RGS3: variants seen among roughly 807,000 people sequenced by gnomAD.
RGS3 encodes the protein regulator of G protein signaling 3, also known as regulator of G-protein signalling 3.
Under a neutral mutation model 132.6 loss-of-function variants are expected in RGS3, and 80 were observed. That is an observed-to-expected ratio of 0.60 (90% CI 0.50 to 0.73). The LOEUF is 0.73. Ranked by LOEUF, RGS3 falls within the 30% of genes least tolerant of loss-of-function variation. RGS3 has a pLI of 0.00. For missense variants in RGS3, 1,382 were observed against 1,530.8 expected (o/e 0.90, Z 1.62); for synonymous variants, 598 against 620.6 (o/e 0.96, Z 0.54).
chr9:113,542,418 C>T (rs1034602891), intron 19 of RGS3, among the ~76,000 whole-genome samples: 4 of 152,130 alleles, frequency 2.6e-5, no homozygotes, highest in African/African-American at 4.8e-5. Context: ...TTACAAGATC[C>T]GTTTACACAT....
chr9:113,464,955 G>A (rs1488300051), intron 3 of RGS3, among the ~76,000 whole-genome samples: 1 of 152,190 alleles, frequency 6.6e-6, no homozygotes, highest in Non-Finnish European at 1.5e-5. Context: ...AAGAGCAGTG[G>A]CTTGGCCTCT....
rs538003639 is a variant in RGS3 at position 113,475,559 on chromosome 9, C to T, written c.416-3932C>T. Among the ~76,000 whole-genome samples, 147 of 152,204 alleles carry T rather than the reference C, an allele frequency of 9.7e-4. 1 individual carries two copies. The highest frequency in any genetic ancestry group is 1.8e-3 in the African/African-American group (73 of 41,528). On this transcript the variant is annotated intron_variant, in intron 3 of 24. Transcript: ENST00000350696. ...TAGCTGAGACTACAGGCACGCACCA[C>T]GGTGCCCGGCTATTTTTTTAATTAA...
chr9:113,506,561 C>A lies in RGS3; in HGVS notation c.1085+68C>A, dbSNP rs1323955977. On this transcript the variant is annotated intron_variant, in intron 12 of 24. Coordinates refer to ENST00000350696, the Ensembl canonical transcript of RGS3. The surrounding 1 kb of genome is among the most constrained non-coding windows in gnomAD (Gnocchi z 4.7). The stretch of plus-strand genomic sequence containing the variant: ...CACACCCTCCCCACCCCTGGGCACA[C>A]TGCCTTGCCTGGCCCAGCTCTTGCT... 3.9e-6 allele frequency: 4 copies of A among 1,034,272 alleles called. No homozygotes were observed. The highest frequency in any genetic ancestry group is 5.9e-6 in the Non-Finnish European group (4 of 680,620). The allele number at this position is 1,034,272 out of a possible 1,614,324, so 64.1% of individuals were successfully genotyped here.
rs1834779360 is a variant in RGS3 at position 113,581,023 on chromosome 9, G to A, written c.2038-2427G>A. ...TATCAGAGGCAGGTGGCTGGGCCAG[G>A]GGGTGGGTCGGGGGGAGGTCTGGCC... On this transcript the variant is annotated intron_variant, in intron 19 of 24. Coordinates refer to ENST00000350696, the Ensembl canonical transcript of RGS3. The A allele has an allele frequency of 7.3e-6, 7 of 958,560 alleles. No homozygotes were observed. The South Asian group carries it at 3.4e-4, about 46-fold the overall frequency. The allele number at this position is 958,560 out of a possible 1,614,324, so 59.4% of individuals were successfully genotyped here. A position where few individuals can be genotyped will look rare whatever the true frequency, so the allele number is the denominator to read the frequency against.
intron 19 of RGS3, among the ~76,000 whole-genome samples, chr9:113,573,220 C>T (rs1329673953): frequency 2.0e-5 from 3 of 152,204 alleles, no homozygotes; most frequent in African/African-American, 7.2e-5. Flanking sequence ...TGCCTATCTC[C>T]AAGCCCCAGT....
chr9:113,471,028 T>C (rs1186298326), intron 3 of RGS3, among the ~76,000 whole-genome samples: 1 of 152,162 alleles, frequency 6.6e-6, no homozygotes, highest in East Asian at 1.9e-4. Flanking sequence ...ATTATTTTCT[T>C]CTCAATGCAG....
chr9:113,543,730 C>T (rs1173326067), intron 19 of RGS3, among the ~76,000 whole-genome samples: 1 of 152,176 alleles, frequency 6.6e-6, no homozygotes, highest in Admixed American at 6.5e-5. Context: ...GCTCTGGCCA[C>T]AAAGAAATGG....
rs140430424 is a variant in RGS3 at position 113,595,050 on chromosome 9, G to A, written c.3244+70G>A. On this transcript the variant is annotated intron_variant, in intron 23 of 24. Transcript: ENST00000350696. ...TCCCCTTCGCCCCCATCCAGACCCT[G>A]TGTAGCTGGTGCTAGAGAGGCCGCC... The A allele has an allele frequency of 4.0e-5, 58 of 1,454,542 alleles. No homozygotes were observed. In the African/African-American group the frequency reaches 7.4e-4, roughly 18 times the overall value. The allele number at this position is 1,454,542 out of a possible 1,614,324, so 90.1% of individuals were successfully genotyped here.
chr9:113,596,394 T>C (rs761859060), intron 24 of RGS3, among the ~76,000 whole-genome samples: 2 of 152,246 alleles, frequency 1.3e-5, no homozygotes, highest in African/African-American at 2.4e-5. Context: ...ATTATATGGA[T>C]GATCTTGCTT....
At chr9:113,536,831 G>T (rs757053549) in exon 19 of RGS3, 1 of 1,614,150 alleles carries the variant, frequency 6.2e-7, no homozygotes, top group Non-Finnish European at 8.5e-7. Context: ...AAGCGCACTC[G>T]CAGGAGCAGA....
intron 16 of RGS3, among the ~76,000 whole-genome samples, chr9:113,518,321 G>A (rs1831778150): frequency 1.3e-5 from 2 of 152,248 alleles, no homozygotes; most frequent in Non-Finnish European, 2.9e-5. Flanking sequence ...ATGTAGAGCT[G>A]CCTTGGCTGA....
At chr9:113,542,823 G>A (rs1024955905) in intron 19 of RGS3, among the ~76,000 whole-genome samples, 3 of 152,208 alleles carry the variant, frequency 2.0e-5, no homozygotes, top group African/African-American at 7.2e-5. Flanking sequence ...GCTGAGCATT[G>A]TGATAGGAAG....
chr9:113,447,791 A>G (rs970146787), intron 1 of RGS3, among the ~76,000 whole-genome samples: 1 of 149,298 alleles, frequency 6.7e-6, no homozygotes, highest in African/African-American at 2.5e-5. Flanking sequence ...TTTTTCTGCT[A>G]TTACCCTAGT....
At chr9:113,489,612 C>A (rs1830442498) in intron 7 of RGS3, among the ~76,000 whole-genome samples, 1 of 152,148 alleles carries the variant, frequency 6.6e-6, no homozygotes, top group Admixed American at 6.5e-5. Flanking sequence ...CAGCCTTGAA[C>A]TCCTGGGCTC....
At chr9:113,501,041 A>G (rs1372601136) in intron 10 of RGS3, among the ~76,000 whole-genome samples, 1 of 152,074 alleles carries the variant, frequency 6.6e-6, no homozygotes, top group Non-Finnish European at 1.5e-5. Flanking sequence ...TCAGACTCCA[A>G]ATGTTTTATG....
At chr9:113,586,703 A>G (rs1835132359) in intron 20 of RGS3, among the ~76,000 whole-genome samples, 1 of 152,166 alleles carries the variant, frequency 6.6e-6, no homozygotes, top group African/African-American at 2.4e-5. Flanking sequence ...CTTCAGTAGG[A>G]AACTTGTCAA....
chr9:113,559,577 T>C (rs374428180), intron 19 of RGS3, among the ~76,000 whole-genome samples: 3 of 152,216 alleles, frequency 2.0e-5, no homozygotes, highest in East Asian at 1.9e-4. Flanking sequence ...CATTGCGGTC[T>C]CAAGTTGCTG....
chr9:113,517,486 C>T lies in RGS3; in HGVS notation c.1675-55C>T, dbSNP rs540966928. ...TTGACAAGCTGCTGCTTCCTCCCCC[C>T]GGGTCCTCACCCAGCCTCTTTTTGA... is the stretch of plus-strand genomic sequence containing the variant. On this transcript the variant is annotated intron_variant, in intron 15 of 24. Coordinates refer to ENST00000350696, the Ensembl canonical transcript of RGS3. The T allele has an allele frequency of 2.5e-5, 36 of 1,435,456 alleles. No individual in the cohort carries two copies. In the East Asian group the frequency reaches 3.2e-4, roughly 13 times the overall value. The allele number at this position is 1,435,456 out of a possible 1,614,324, so 88.9% of individuals were successfully genotyped here. A position where few individuals can be genotyped will look rare whatever the true frequency, so the allele number is the denominator to read the frequency against.
chr9:113,523,836 G>T (rs994147286), intron 17 of RGS3, among the ~76,000 whole-genome samples: 6 of 152,162 alleles, frequency 3.9e-5, no homozygotes, highest in African/African-American at 1.2e-4. Context: ...GTTTTGGTGG[G>T]GTTTGCTCGG....
Sources: gnomAD v4.1 joint callset for allele counts (sites outside exome capture counted in the v4.1 genomes callset) on GRCh38, gnomAD v4.1.1 for gene constraint, Gnocchi (gnomAD v3.1) non-coding constraint, MANE v1.5 for transcripts, NCBI Gene and HGNC (gene_info 2026-07-23, HGNC 2026-07-21) for gene names.